Variants in DCN observed in about 807,000 individuals in gnomAD.
DCN encodes decorin.
In DCN, 17 loss-of-function variants were observed where a neutral mutation model predicts 36.5. The observed-to-expected ratio is 0.47, with a 90% CI of 0.32 to 0.70. The LOEUF (loss-of-function observed/expected upper bound fraction) is 0.70. Among genes scored for constraint, DCN ranks in the 30% least tolerant of loss-of-function variants. The pLI is 0.04. For synonymous variants in DCN, 163 were observed against 161.4 expected (o/e 1.01, Z -0.07); for missense variants, 389 against 430.1 (o/e 0.90, Z 0.84).
chr12:91,148,963 T>C (rs902790553), intron 7 of DCN, among the ~76,000 whole-genome samples: 3 of 152,104 alleles, frequency 2.0e-5, no homozygotes, highest in African/African-American at 7.2e-5. Flanking sequence ...ATTCCAGTAG[T>C]GATTAGCAAG....
chr12:91,153,247 T>C, intron 5 of DCN, 58 bp from the exon 6 acceptor site: 1 of 963,156 alleles, frequency 1.0e-6, no homozygotes, highest in East Asian at 2.4e-5. Flanking sequence ...GTACAGAATG[T>C]GGACAAACTT....
At chr12:91,148,830 G>A (rs541475293) in intron 7 of DCN, among the ~76,000 whole-genome samples, 1 of 149,756 alleles carries the variant, frequency 6.7e-6, no homozygotes, top group South Asian at 2.1e-4. Flanking sequence ...GGGCTGAAAA[G>A]CGAATTAGTA....
At chr12:91,172,950 A>T (rs1883068026) in intron 2 of DCN, 2 of 480,092 alleles carry the variant, frequency 4.2e-6, no homozygotes, top group South Asian at 7.1e-5. Flanking sequence ...ATTGATTATT[A>T]TAGAATAATC....
chr12:91,177,551 A>G (rs1394914287), intron 2 of DCN: 3 of 702,036 alleles, frequency 4.3e-6, no homozygotes, highest in Admixed American at 2.0e-5. Context: ...CCTTTGGCCC[A>G]TCCACTGAGC....
intron 5 of DCN, among the ~76,000 whole-genome samples, chr12:91,153,662 A>G (rs3138258): frequency 0.017 from 2,587 of 152,186 alleles, 69 homozygotes; most frequent in African/African-American, 0.058. Flanking sequence ...ACACTGATAT[A>G]CTGTGCTGGT....
At chr12:91,166,325 C>T (rs946071301) in intron 2 of DCN, among the ~76,000 whole-genome samples, 2 of 152,116 alleles carry the variant, frequency 1.3e-5, no homozygotes, top group Admixed American at 6.6e-5. Flanking sequence ...CAGTGATGAA[C>T]GGTAAAACAC....
chr12:91,178,854 A>G (rs529669191), intron 1 of DCN, among the ~76,000 whole-genome samples: 1 of 152,306 alleles, frequency 6.6e-6, no homozygotes, highest in African/African-American at 2.4e-5. Flanking sequence ...ATGATATACT[A>G]TATATCCAAA....
chr12:91,168,801 G>GA (rs1882746574), intron 2 of DCN, among the ~76,000 whole-genome samples: 1 of 152,144 alleles, frequency 6.6e-6, no homozygotes, highest in Admixed American at 6.5e-5. Context: ...ATCTGCACCT[G>GA]AAAATTGCTC....
chr12:91,172,817 C>T (rs535016393), intron 2 of DCN: 5 of 691,322 alleles, frequency 7.2e-6, no homozygotes, highest in Admixed American at 6.2e-5. Flanking sequence ...AAGTATAAGG[C>T]AGTTTGTTGT....
intron 2 of DCN, 113 bp downstream of exon 2, chr12:91,178,229 G>T: frequency 2.2e-6 from 2 of 909,514 alleles, no homozygotes; most frequent in Non-Finnish European, 1.8e-6. Flanking sequence ...TCATTAGGTG[G>T]CACTGTCTCT....
chr12:91,176,500 C>T (rs1029306779), intron 2 of DCN: 24 of 152,110 alleles, frequency 1.6e-4, no homozygotes, highest in Non-Finnish European at 1.2e-4. Flanking sequence ...CCTAAGACTA[C>T]ATTTTGTTGT....
rs187556888 is a variant in DCN, at chr12:91,155,348, G to A, written c.652+1727C>T. Among the ~76,000 whole-genome samples the A allele has an allele frequency of 1.2e-3, 188 of 152,140 alleles. 2 individuals carry two copies. Among genetic ancestry groups the A allele is most frequent in the East Asian group, 3.7e-3 (19 of 5,190 alleles). ...ATGACAAGCATTTGGCATGATACCC[G>A]GAACTAAATACATGCTTAATAAATT... On this transcript the variant is annotated intron_variant, in intron 5 of 7. Coordinates refer to ENST00000052754, the MANE Select transcript of DCN (RefSeq NM_001920.5).
At position 91,164,641 on chromosome 12, in the gene DCN, G is replaced by A. The variant is rs767153102; in HGVS notation, c.288C>T (p.Ile96=). 12 of 1,611,872 alleles carry A rather than the reference G, an allele frequency of 7.4e-6. No individual in the cohort carries two copies. Among genetic ancestry groups the A allele is most frequent in the Non-Finnish European group, 9.3e-6 (11 of 1,178,128 alleles). Residue 96 remains isoleucine (I), a synonymous_variant, in exon 3 of 8, where the codon ATC becomes ATT. Coordinates refer to ENST00000052754, the MANE Select transcript of DCN (RefSeq NM_001920.5). ...TCAGGTTCTTAAAGTCTCCATCTTTGATTTCGGTTATTTTGTTGTTTTGCA... is the reference window on the plus strand; with the variant it reads ...TCAGGTTCTTAAAGTCTCCATCTTTAATTTCGGTTATTTTGTTGTTTTGCA... ...LDLQNNKITE[I]KDGDFKNLKN...
intron 2 of DCN, among the ~76,000 whole-genome samples, chr12:91,168,822 C>T (rs1565785235): frequency 6.6e-6 from 1 of 152,322 alleles, no homozygotes. Flanking sequence ...TTACTTTCTT[C>T]AGTGTCTTTG....
Position 91,146,101 on chromosome 12 carries a change from C to A in DCN, c.1037G>T (p.Cys346Phe). 6.2e-7 allele frequency: 1 copy of A among 1,613,990 alleles called. No individual in the cohort carries two copies. Among genetic ancestry groups the A allele is most frequent in the Non-Finnish European group, 8.5e-7 (1 of 1,179,964 alleles). ...TTGAATGGCAGAGCGCACGTAGACA[C>A]ATCTGAAGGTGGATGGCTGTATCTC... ...YWEIQPSTFR[C>F]VYVRSAIQLG... Residue 346 changes from cysteine to phenylalanine, a missense_variant, in exon 8 of 8, where the codon TGT (cysteine) becomes TTT (phenylalanine). Physicochemically the swap from Cys to Phe is radical, Grantham distance 205 (BLOSUM62 -2). Coordinates refer to ENST00000052754, the MANE Select transcript of DCN (RefSeq NM_001920.5).
At position 91,156,956 on chromosome 12, in the gene DCN, T is replaced by C. The variant is rs962118181; in HGVS notation, c.652+119A>G. 3.3e-5 allele frequency: 23 copies of C among 693,968 alleles called. No homozygotes were observed. The African/African-American group carries it at 3.8e-4, about 11-fold the overall frequency. The allele number at this position is 693,968 out of a possible 1,614,324, so 43.0% of individuals were successfully genotyped here. ...ATGAAACACTAGCAGTAATAGAGAA[T>C]TTGCTGGAAATAAGGTTGGCCTCTT... On this transcript the variant is annotated intron_variant, in intron 5 of 7. Coordinates refer to ENST00000052754, the MANE Select transcript of DCN (RefSeq NM_001920.5).
At position 91,178,362 on chromosome 12, in the gene DCN, A is replaced by C. The variant is rs763583161; in HGVS notation, c.191T>G (p.Val64Gly). 14 of 1,613,806 alleles carry C rather than the reference A, an allele frequency of 8.7e-6. No individual in the cohort carries two copies. The South Asian group carries it at 1.5e-4, about 18-fold the overall frequency. The change falls in exon 2 of 8, where the codon GTG becomes GGG. Residue 64 changes from valine to glycine, a missense_variant. Coordinates refer to ENST00000052754, the MANE Select transcript of DCN (RefSeq NM_001920.5). ...CTCACCCAAATCAGAACACTGGACC[A>C]CTCGAAGATGGCATTGACAGCGGAA... ...CPFRCQCHLR[V>G]VQCSDLGLDK... is the part of the protein sequence containing the mutation.
chr12:91,153,773 T>C (rs921283244), intron 5 of DCN, among the ~76,000 whole-genome samples: 1 of 152,004 alleles, frequency 6.6e-6, no homozygotes, highest in African/African-American at 2.4e-5. Flanking sequence ...ATCCAGAATG[T>C]TTATGCAGAA....
At chr12:91,158,225 T>A in intron 4 of DCN, 71 bp downstream of exon 4, 1 of 1,001,936 alleles carries the variant, frequency 1.0e-6, no homozygotes, top group Non-Finnish European at 1.6e-6. Context: ...CTTCCTGCAC[T>A]TAAAACCCAG....
Sources: gnomAD v4.1 joint callset for allele counts (sites outside exome capture counted in the v4.1 genomes callset) on GRCh38, gnomAD v4.1.1 for gene constraint, MANE v1.5 for transcripts, NCBI Gene and HGNC (gene_info 2026-07-23, HGNC 2026-07-21) for gene names.